The following XPO5 variants were observed in gnomAD, a reference collection of about 807,000 sequenced individuals.
XPO5 encodes the protein exportin-5.
A neutral mutation model predicts 160.6 loss-of-function variants in XPO5; 46 were observed. The ratio of observed to expected loss-of-function variants is 0.29; its 90% CI spans 0.23 to 0.37. The LOEUF (loss-of-function observed/expected upper bound fraction) is 0.37, where lower values mean the gene tolerates loss of function less well. Among genes scored for constraint, XPO5 ranks in the 10% least tolerant of loss-of-function variants. XPO5 has a pLI of 1.00. For missense variants in XPO5, 1,090 were observed against 1,463.9 expected, an observed-to-expected ratio of 0.74 and a Z score of 4.17; for synonymous variants, 537 against 519.3, an observed-to-expected ratio of 1.03 and a Z score of -0.46.
In XPO5 at chr6:43,522,418, A is replaced by C. The variant is rs1793244092; in HGVS notation, c.*1450T>G. ...TACAAAAAGTTTCTATAAACAATAG[A>C]AAATTTCTAGCATGAAGTCACAGGA... On this transcript the variant is annotated 3_prime_UTR_variant, in exon 32 of 32. Coordinates refer to ENST00000265351, the MANE Select transcript of XPO5 (RefSeq NM_020750.3). 1 of 160,428 alleles carries C rather than the reference A, an allele frequency of 6.2e-6. No individual in the cohort carries two copies. The highest frequency in any genetic ancestry group is 2.4e-5 in the African/African-American group (1 of 41,812). 9.9% of individuals were successfully genotyped at this position (160,428 alleles called of 1,614,324 possible). A position where few individuals can be genotyped will look rare whatever the true frequency, so the allele number is the denominator to read the frequency against.
At position 43,531,515 on chromosome 6, in the gene XPO5, C is replaced by G; in HGVS notation, c.2504G>C (p.Arg835Thr). ...GAGGGTAGAGAAGAAACGCTGCATT[C>G]TTTCCAAGACGGTTTTGAAGACAGG... ...DSPVFKTVLE[R>T]MQRFFSTLYE... Residue 835 changes from arginine (R) to threonine (T), a missense_variant, in exon 22 of 32, where the codon AGA becomes ACA. Coordinates refer to ENST00000265351, the MANE Select transcript of XPO5 (RefSeq NM_020750.3). The G allele has an allele frequency of 1.2e-6, 2 of 1,613,976 alleles. No homozygotes were observed. Among genetic ancestry groups the G allele is most frequent in the Non-Finnish European group, 1.7e-6 (2 of 1,179,884 alleles).
chr6:43,565,401 T>C (rs181226190), intron 8 of XPO5, among the ~76,000 whole-genome samples: 2 of 151,764 alleles, frequency 1.3e-5, no homozygotes, highest in East Asian at 2.0e-4. Flanking sequence ...ACCCTGTCTC[T>C]ACTAAAAATA....
At position 43,570,659 on chromosome 6, in the gene XPO5, A is replaced by C; in HGVS notation, c.464T>G (p.Phe155Cys). 6.2e-7 allele frequency: 1 copy of C among 1,612,504 alleles called. No homozygotes were observed. Among genetic ancestry groups the C allele is most frequent in the Non-Finnish European group, 8.5e-7 (1 of 1,179,368 alleles). ...ATCCTCTGCCAGTCGCAAAAGGATA[A>C]ACATCACCAATTCTGTCTGTGTTTC... ...QGETQTELVM[F>C]ILLRLAEDVV... Residue 155 changes from phenylalanine to cysteine, a missense_variant, in exon 5 of 32, where the codon TTT (phenylalanine) becomes TGT (cysteine). Physicochemically the swap from Phe to Cys is radical, Grantham distance 205 (BLOSUM62 -2). Transcript: ENST00000265351.
intron 21 of XPO5, among the ~76,000 whole-genome samples, chr6:43,533,125 ACT>A (rs1261566855): frequency 6.6e-6 from 1 of 151,726 alleles, no homozygotes; most frequent in African/African-American, 2.4e-5. Context: ...ACAGAGTGAG[ACT>A]CTCTCAAGAA....
intron 28 of XPO5, chr6:43,525,548 A>T: frequency 3.9e-6 from 2 of 513,720 alleles, no homozygotes; most frequent in South Asian, 5.6e-5. Context: ...GAAAACCTGT[A>T]TGTGTAGGAT....
intron 20 of XPO5, among the ~76,000 whole-genome samples, chr6:43,538,114 T>C: frequency 7.0e-6 from 1 of 143,316 alleles, no homozygotes; most frequent in African/African-American, 2.6e-5. Flanking sequence ...GCAAGGAACT[T>C]ATAAATTTAG....
chr6:43,528,893 G>T lies in XPO5; in HGVS notation c.2710C>A (p.Pro904Thr), dbSNP rs1490102710. The T allele has an allele frequency of 2.5e-6, 4 of 1,613,608 alleles. No individual in the cohort carries two copies. The South Asian group carries it at 4.4e-5, about 18-fold the overall frequency. Residue 904 changes from proline to threonine, a missense_variant, in exon 24 of 32, where the codon CCC (proline) becomes ACC (threonine). Physicochemically the swap from Pro to Thr is conservative, Grantham distance 38. Around this residue, in one of 3 missense-constraint regions of XPO5, gnomAD observed 810 missense variants for 1,139.0 expected, o/e 0.71. Coordinates refer to ENST00000265351, the MANE Select transcript of XPO5 (RefSeq NM_020750.3). The part of the protein sequence containing the change: ...VFVKPLVLFC[P>T]PEHYEALVSP... ...ACCAGGGCTTCATAGTGCTCTGGGG[G>T]ACAGAAGAGCACCAGAGGCTTTACA...
chr6:43,535,636 C>T (rs754917296), intron 20 of XPO5, among the ~76,000 whole-genome samples: 3 of 151,676 alleles, frequency 2.0e-5, no homozygotes, highest in Non-Finnish European at 2.9e-5. Context: ...TGGTGAAACC[C>T]CATCTCTACT....
intron 23 of XPO5, among the ~76,000 whole-genome samples, chr6:43,530,296 C>A (rs138903975): frequency 6.6e-6 from 1 of 151,840 alleles, no homozygotes; most frequent in Non-Finnish European, 1.5e-5. Context: ...TGATGGTGCA[C>A]ACCTGTAATC....
chr6:43,573,827 T>C lies in XPO5; in HGVS notation c.106-226A>G, dbSNP rs35132470. Among the ~76,000 whole-genome samples, 773 of 112,988 alleles carry C rather than the reference T, an allele frequency of 6.8e-3. 8 individuals carry two copies. Among genetic ancestry groups the C allele is most frequent in the African/African-American group, 0.033 (717 of 21,962 alleles). 74.1% of individuals were successfully genotyped at this position (112,988 alleles called of 152,430 possible). ...TAAATATATATATATATATATATTT[T>C]TTTTTTTTTTTTTTGAGACGGAGTC... On this transcript the variant is annotated intron_variant, in intron 1 of 31. Coordinates refer to ENST00000265351, the MANE Select transcript of XPO5 (RefSeq NM_020750.3).
In XPO5 at chr6:43,557,919, A is replaced by C. The variant is rs1419191447; in HGVS notation, c.1312+582T>G. On this transcript the variant is annotated intron_variant, in intron 12 of 31. Coordinates refer to ENST00000265351, the MANE Select transcript of XPO5 (RefSeq NM_020750.3). ...GAGACCAGCCTGACCAACATGGAGA[A>C]ACCCCATCTCTACCAAAAATGCAAA... Among the ~76,000 whole-genome samples, 3 of 152,116 alleles carry C rather than the reference A, an allele frequency of 2.0e-5. No homozygotes were observed. In the East Asian group the frequency reaches 5.8e-4, roughly 29 times the overall value.
intron 12 of XPO5, among the ~76,000 whole-genome samples, chr6:43,556,456 G>T (rs1208988255): frequency 6.6e-6 from 1 of 151,188 alleles, no homozygotes; most frequent in East Asian, 1.9e-4. Context: ...GCCCAGGGAG[G>T]TGAAGATTGT....
Position 43,551,352 on chromosome 6 carries a change from T to C in XPO5, c.1674A>G (p.Ala558=), listed in dbSNP as rs200535517. 1.2e-6 allele frequency: 2 copies of C among 1,613,852 alleles called. No individual in the cohort carries two copies. The highest frequency in any genetic ancestry group is 1.7e-5 in the Admixed American group (1 of 60,012). ...GTCTGTAGGTGACAAATGGAAAGAGTGCAGAGACATTAGTAAGGACGCAGG... is the reference window on the plus strand; with the variant it reads ...GTCTGTAGGTGACAAATGGAAAGAGCGCAGAGACATTAGTAAGGACGCAGG... ...ILSCVLTNVS[A]LFPFVTYRPE... is the part of the protein sequence containing the mutation. The change falls in exon 15 of 32, where the codon GCA becomes GCG. Residue 558 remains alanine, a synonymous_variant. Transcript: ENST00000265351.
rs770912025 is a variant in XPO5, at chr6:43,530,731, G to C, written c.2634C>G (p.Val878=). ...LATQLLSSAF[V]NLNNIPDYRL... ...GGTAGTCAGGAATATTGTTCAAGTT[G>C]ACAAAGGCTGAGCTGAGAAGCTGGG... Residue 878 remains valine, a synonymous_variant, in exon 23 of 32, where the codon GTC becomes GTG. Transcript: ENST00000265351. 5.0e-6 allele frequency: 8 copies of C among 1,613,956 alleles called. No individual in the cohort carries two copies. Among genetic ancestry groups the C allele is most frequent in the Non-Finnish European group, 6.8e-6 (8 of 1,179,882 alleles).
intron 11 of XPO5, among the ~76,000 whole-genome samples, chr6:43,559,544 G>C (rs1762296944): frequency 6.6e-6 from 1 of 152,164 alleles, no homozygotes; most frequent in Admixed American, 6.5e-5. Flanking sequence ...GCAATGCTTA[G>C]ATATTGCCTC....
intron 7 of XPO5, chr6:43,566,571 G>A: frequency 2.9e-6 from 1 of 349,472 alleles, no homozygotes; most frequent in South Asian, 2.1e-5. Context: ...CACTTTAGGA[G>A]GCTGAGGAGG....
intron 15 of XPO5, among the ~76,000 whole-genome samples, chr6:43,550,492 T>C (rs1181740918): frequency 1.3e-5 from 2 of 152,182 alleles, no homozygotes; most frequent in Non-Finnish European, 2.9e-5. Context: ...CTTCTCATTT[T>C]TTTCTCCACT....
intron 1 of XPO5, 119 bp downstream of exon 1, chr6:43,575,641 G>C: frequency 3.5e-6 from 3 of 865,216 alleles, no homozygotes; most frequent in Non-Finnish European, 5.4e-6. Context: ...CCGGGGAGTT[G>C]GGAAAGGAGG....
chr6:43,539,309 T>C (rs894937870), intron 20 of XPO5: 252 of 1,560,222 alleles, frequency 1.6e-4, no homozygotes, highest in East Asian at 1.3e-3. Context: ...GCCACTGTAG[T>C]CCCCGATAGC....
Sources: allele counts gnomAD v4.1 joint callset (sites outside exome capture counted in the v4.1 genomes callset), GRCh38; gene constraint gnomAD v4.1.1; regional missense constraint gnomAD v4.1.1; transcripts MANE v1.5; gene names NCBI Gene and HGNC (gene_info 2026-07-23, HGNC 2026-07-21).